Variants in EVL observed in about 807,000 individuals in gnomAD.
EVL encodes Enah/Vasp-like, also known as ena/VASP-like protein.
Under a neutral mutation model 59.6 loss-of-function variants are expected in EVL, and 21 were observed. That is an observed-to-expected ratio of 0.35 (90% CI 0.25 to 0.51). The LOEUF (loss-of-function observed/expected upper bound fraction) is 0.51, where lower values mean the gene tolerates loss of function less well. Ranked by LOEUF, EVL falls within the 20% of genes least tolerant of loss-of-function variation. The probability of loss-of-function intolerance (pLI) is 0.97; values close to 1 mark genes in which losing one functional copy is unlikely to be tolerated. For synonymous variants in EVL, 198 were observed against 203.5 expected (o/e 0.97, Z 0.23); for missense variants, 462 against 546.6 (o/e 0.85, Z 1.54).
intron 3 of EVL, among the ~76,000 whole-genome samples, chr14:100,122,186 A>C (rs565261201): frequency 1.7e-4 from 26 of 152,358 alleles, no homozygotes; most frequent in African/African-American, 6.0e-4. Context: ...ACACCATCCA[A>C]GGGCAGCTTA....
At chr14:100,062,541 A>G (rs75647337), upstream of EVL, among the ~76,000 whole-genome samples, 3,989 of 152,286 alleles carry the variant, frequency 0.026, 174 homozygotes, top group African/African-American at 0.09. Context: ...GGAACCAGAA[A>G]CAGATGAGAC....
At chr14:100,111,879 C>T (rs967128347) in intron 3 of EVL, among the ~76,000 whole-genome samples, 5 of 152,178 alleles carry the variant, frequency 3.3e-5, no homozygotes, top group Admixed American at 1.3e-4. Flanking sequence ...ATTTCCAGTC[C>T]AGGTCTCTGC....
upstream of EVL, among the ~76,000 whole-genome samples, chr14:100,062,107 C>T (rs1007412729): frequency 2.0e-5 from 3 of 150,938 alleles, no homozygotes; most frequent in South Asian, 2.1e-4. Context: ...CACTGTACGC[C>T]GGCCTACGCA....
chr14:100,132,577 A>G (rs1292136000), intron 7 of EVL, 142 bp from the exon 8 acceptor site: 1 of 923,480 alleles, frequency 1.1e-6, no homozygotes, highest in Middle Eastern at 2.4e-4. Flanking sequence ...GGCCTAGACA[A>G]GCCGCCTCCT....
chr14:100,067,115 C>T (rs1383078578), intron 1 of EVL, among the ~76,000 whole-genome samples: 2 of 152,140 alleles, frequency 1.3e-5, no homozygotes, highest in Non-Finnish European at 2.9e-5. Context: ...GTGCGTCCCT[C>T]CCCCGTACAA....
chr14:99,971,428 A>T (rs1366344759), upstream of EVL: 1 of 150,598 alleles, frequency 6.6e-6, no homozygotes, highest in Non-Finnish European at 1.5e-5. Flanking sequence ...CCTCAAGCTC[A>T]GCGCTCCCGG....
At chr14:100,052,180 G>A (rs1462558270) in intron 1 of EVL, among the ~76,000 whole-genome samples, 1 of 152,158 alleles carries the variant, frequency 6.6e-6, no homozygotes, top group African/African-American at 2.4e-5. Flanking sequence ...TCACTGTGAT[G>A]TGTATAGCAT....
At chr14:99,983,923 T>C (rs1459878824) in intron 1 of EVL, among the ~76,000 whole-genome samples, 1 of 152,196 alleles carries the variant, frequency 6.6e-6, no homozygotes, top group African/African-American at 2.4e-5. Flanking sequence ...TTACTTAAAA[T>C]TTCCCTGATC....
intron 1 of EVL, among the ~76,000 whole-genome samples, chr14:99,994,615 A>G (rs1458757768): frequency 6.6e-6 from 1 of 152,188 alleles, no homozygotes; most frequent in East Asian, 1.9e-4. Flanking sequence ...TTTCATATCC[A>G]TTAACAGACT....
intron 1 of EVL, chr14:99,975,169 C>A (rs2060761904): frequency 6.6e-6 from 1 of 152,296 alleles, no homozygotes; most frequent in African/African-American, 2.4e-5. Context: ...TCTTGGAGAA[C>A]TCTTTTAGCA....
At chr14:100,122,797 T>C (rs904010175) in intron 3 of EVL, among the ~76,000 whole-genome samples, 1 of 152,244 alleles carries the variant, frequency 6.6e-6, no homozygotes, top group African/African-American at 2.4e-5. Flanking sequence ...TGGGAAGCCC[T>C]GCACAGGCCC....
intron 4 of EVL, among the ~76,000 whole-genome samples, chr14:100,125,113 A>G (rs1327048686): frequency 8.0e-6 from 1 of 124,828 alleles, no homozygotes; most frequent in Non-Finnish European, 1.6e-5. Context: ...CACCTGCCCC[A>G]AGGCGGGACC....
chr14:100,091,394 C>CTCCG (rs112315369), intron 2 of EVL, among the ~76,000 whole-genome samples: 8 of 151,950 alleles, frequency 5.3e-5, no homozygotes, highest in African/African-American at 1.9e-4. Context: ...GGTTTCCCCA[C>CTCCG]TCTGTTATTG....
At chr14:100,037,189 A>G (rs2061401373) in intron 1 of EVL, among the ~76,000 whole-genome samples, 1 of 152,204 alleles carries the variant, frequency 6.6e-6, no homozygotes, top group South Asian at 2.1e-4. Context: ...AAAGAAGAAG[A>G]AGGTGAGGGG....
At position 99,990,756 on chromosome 14, in the gene EVL, C is replaced by T. The variant is rs2060870409; in HGVS notation, c.5+18699C>T. ...GCTACTTTTTAAACATTCATTCATTCGTCAGTGGAATTTGGGTTGCTTCCA... is the reference window on the plus strand; with the variant it reads ...GCTACTTTTTAAACATTCATTCATTTGTCAGTGGAATTTGGGTTGCTTCCA... On this transcript the variant is annotated intron_variant, in intron 1 of 13. Coordinates refer to the EVL transcript ENST00000402714. 2.0e-5 allele frequency among the ~76,000 whole-genome samples: 3 copies of T among 151,944 alleles called. 1 individual carries two copies. Among genetic ancestry groups the T allele is most frequent in the South Asian group, 4.1e-4 (2 of 4,822 alleles).
At chr14:100,123,273 G>A (rs754989736) in intron 3 of EVL, among the ~76,000 whole-genome samples, 1 of 152,224 alleles carries the variant, frequency 6.6e-6, no homozygotes, top group Non-Finnish European at 1.5e-5. Flanking sequence ...AGCAGGGTCA[G>A]TAACTGAAAG....
chr14:100,055,907 G>C (rs1362537206), intron 1 of EVL, among the ~76,000 whole-genome samples: 1 of 152,100 alleles, frequency 6.6e-6, no homozygotes, highest in Non-Finnish European at 1.5e-5. Flanking sequence ...TGCCTCCTGG[G>C]TTCAAGCCAT....
chr14:100,060,923 C>G (rs188659903), upstream of EVL, among the ~76,000 whole-genome samples: 44 of 147,836 alleles, frequency 3.0e-4, no homozygotes, highest in South Asian at 1.3e-3. Flanking sequence ...TCTCAGAAAC[C>G]ATGGAGGCCA....
intron 1 of EVL, among the ~76,000 whole-genome samples, chr14:100,050,082 A>G (rs1400656205): frequency 1.3e-5 from 2 of 152,216 alleles, no homozygotes; most frequent in African/African-American, 4.8e-5. Context: ...AAAGGAAGCA[A>G]CAGTGGACTG....
Sources: allele counts gnomAD v4.1 joint callset (sites outside exome capture counted in the v4.1 genomes callset), GRCh38; gene constraint gnomAD v4.1.1; transcripts MANE v1.5; gene names NCBI Gene and HGNC (gene_info 2026-07-23, HGNC 2026-07-21).